Variants in EXOSC10 observed in about 807,000 individuals in gnomAD.
EXOSC10 encodes the protein exosome component 10.
In EXOSC10, 94 loss-of-function variants were observed where a neutral mutation model predicts 126.6. That is an observed-to-expected ratio of 0.74 (90% CI 0.63 to 0.88). The LOEUF (loss-of-function observed/expected upper bound fraction) is 0.88. Ranked by LOEUF, EXOSC10 falls within the 40% of genes least tolerant of loss-of-function variation. The pLI is 0.00. For synonymous variants in EXOSC10, 395 were observed against 400.8 expected, an observed-to-expected ratio of 0.99 and a Z score of 0.17; for missense variants, 1,041 against 1,100.5, an observed-to-expected ratio of 0.95 and a Z score of 0.77.
intron 13 of EXOSC10, 90 bp downstream of exon 13, chr1:11,080,409 C>G (rs1013907733): frequency 2.1e-5 from 31 of 1,505,476 alleles, no homozygotes; most frequent in Non-Finnish European, 2.9e-5. Context: ...AGTAAGCAGC[C>G]TTGGGTAATA....
chr1:11,077,359 C>T lies in EXOSC10; in HGVS notation c.1879+6G>A. 6.2e-7 allele frequency: 1 copy of T among 1,608,426 alleles called. No homozygotes were observed. Among genetic ancestry groups the T allele is most frequent in the Non-Finnish European group, 8.5e-7 (1 of 1,175,534 alleles). ...TCGGGACAGTCAGGAGGGCTCTCGA[C>T]TTTACCACTGGTTGGGATGATTGGA... On this transcript the variant is annotated splice_donor_region_variant and intron_variant, in intron 16 of 24. Transcript: ENST00000376936.
rs539941437 is a variant in EXOSC10 at position 11,071,985 on chromosome 1, CA to C, written c.2242+101del. The stretch of plus-strand genomic sequence containing the variant: ...ATCCCTCAGCAGAAGGGAAGCCCCA[CA>C]GGGGCTTCATTCATCGCCGTATCTG... On this transcript the variant is annotated intron_variant, in intron 20 of 24. Coordinates refer to ENST00000376936, the MANE Select transcript of EXOSC10 (RefSeq NM_001001998.3). The C allele has an allele frequency of 1.5e-4, 138 of 913,848 alleles. 1 individual carries two copies. In the East Asian group the frequency reaches 3.2e-3, roughly 21 times the overall value. 56.6% of individuals were successfully genotyped at this position (913,848 alleles called of 1,614,324 possible). A position where few individuals can be genotyped will look rare whatever the true frequency, so the allele number is the denominator to read the frequency against.
In EXOSC10 at chr1:11,087,827, A is replaced by G. The variant is rs752451344; in HGVS notation, c.918T>C (p.Asn306=). ...ELVELNEKLL[N]CQEFAVDLEH... ...CCAAGTCAACTGCAAATTCCTGACA[A>G]TTCAAGAGCTTTTCGTTGAGTTCCA... The change falls in exon 8 of 25, where the codon AAT becomes AAC. Residue 306 remains asparagine, a synonymous_variant. Transcript: ENST00000376936. 1 of 1,613,496 alleles carries G rather than the reference A, an allele frequency of 6.2e-7. No individual in the cohort carries two copies. The highest frequency in any genetic ancestry group is 1.3e-5 in the African/African-American group (1 of 75,026).
At chr1:11,089,834 C>CT (rs1640704498) in intron 6 of EXOSC10, among the ~76,000 whole-genome samples, 1 of 151,910 alleles carries the variant, frequency 6.6e-6, no homozygotes, top group Admixed American at 6.6e-5. Flanking sequence ...GTCACAGCTA[C>CT]TTGGGAGGCA....
intron 5 of EXOSC10, 69 bp downstream of exon 5, chr1:11,090,945 G>A: frequency 2.6e-6 from 4 of 1,529,552 alleles, no homozygotes; most frequent in South Asian, 2.4e-5. Context: ...AGAGAGACCT[G>A]TACACCCTTC....
chr1:11,087,517 A>G lies in EXOSC10; in HGVS notation c.1020T>C (p.Ile340=), dbSNP rs1640561159. The part of the protein sequence containing the change: ...QISTRTEDFI[I]DTLELRSDMY... ...TGTCACTTCGAAGCTCGAGGGTGTCAATGATGAAGTCTTCCGTCCGAGTAG... is the reference window on the plus strand; with the variant it reads ...TGTCACTTCGAAGCTCGAGGGTGTCGATGATGAAGTCTTCCGTCCGAGTAG... Residue 340 remains isoleucine, a synonymous_variant, in exon 9 of 25, where the codon ATT becomes ATC. Transcript: ENST00000376936. 1.9e-6 allele frequency: 3 copies of G among 1,614,132 alleles called. No homozygotes were observed. The highest frequency in any genetic ancestry group is 1.7e-6 in the Non-Finnish European group (2 of 1,180,018).
intron 2 of EXOSC10, among the ~76,000 whole-genome samples, chr1:11,096,574 T>C (rs1412577655): frequency 6.7e-6 from 1 of 149,960 alleles, no homozygotes; most frequent in Non-Finnish European, 1.5e-5. Flanking sequence ...ACTCCTGGGC[T>C]CAAGTGATAC....
intron 17 of EXOSC10, among the ~76,000 whole-genome samples, chr1:11,074,892 G>A (rs987744146): frequency 2.6e-5 from 4 of 152,172 alleles, no homozygotes; most frequent in African/African-American, 9.7e-5. Flanking sequence ...CCATCTTACA[G>A]AGGAGGAAAC....
At chr1:11,074,412 G>T in intron 17 of EXOSC10, 86 bp from the exon 18 acceptor site, 3 of 923,648 alleles carry the variant, frequency 3.2e-6, no homozygotes, top group Non-Finnish European at 3.3e-6. Context: ...AGTTAACAGT[G>T]ATTTTTTTTT....
At chr1:11,075,196 C>T (rs1639740061) in intron 17 of EXOSC10, among the ~76,000 whole-genome samples, 1 of 151,876 alleles carries the variant, frequency 6.6e-6, no homozygotes, top group African/African-American at 2.4e-5. Context: ...CAATGCCCGG[C>T]TAATTAAAGA....
chr1:11,091,248 TA>T, intron 4 of EXOSC10, 69 bp from the exon 5 acceptor site: 1 of 1,457,796 alleles, frequency 6.9e-7, no homozygotes, highest in South Asian at 1.3e-5. Flanking sequence ...AATTCCAATT[TA>T]TGACTTCTGA....
At position 11,087,454 on chromosome 1, in the gene EXOSC10, G is replaced by A. The variant is rs547222264; in HGVS notation, c.1083C>T (p.Ile361=). 2.1e-5 allele frequency: 34 copies of A among 1,614,052 alleles called. No homozygotes were observed. Among genetic ancestry groups the A allele is most frequent in the Admixed American group, 3.3e-5 (2 of 59,984 alleles). The change falls in exon 9 of 25, where the codon ATC becomes ATT. Residue 361 remains isoleucine (I), a synonymous_variant. Coordinates refer to ENST00000376936, the MANE Select transcript of EXOSC10 (RefSeq NM_001001998.3). ...TTACAAAAGGCTGGCTGACCTTAAC[G>A]ATGGCTGGGTCTGTGAGGCTCTCAT... ...ILNESLTDPA[I]VKVFHGADSD... is the part of the protein sequence containing the mutation.
chr1:11,079,575 G>C, intron 14 of EXOSC10, 136 bp downstream of exon 14: 1 of 624,862 alleles, frequency 1.6e-6, no homozygotes, highest in Non-Finnish European at 2.8e-6. Flanking sequence ...TGTATTTTTA[G>C]TAGAGACGGG....
chr1:11,079,335 CA>C (rs1383773019), intron 14 of EXOSC10, among the ~76,000 whole-genome samples: 3 of 142,442 alleles, frequency 2.1e-5, no homozygotes, highest in Admixed American at 1.4e-4. Context: ...CTAAAAAAAA[CA>C]AAAAACAAAC....
chr1:11,087,888 G>A lies in EXOSC10; in HGVS notation c.857C>T (p.Thr286Ile), dbSNP rs1217239120. 25 of 1,610,796 alleles carry A rather than the reference G, an allele frequency of 1.6e-5. No homozygotes were observed. In the Admixed American group the frequency reaches 4.2e-4, roughly 27 times the overall value. The change falls in exon 8 of 25, where the codon ACA becomes ATA. Residue 286 changes from threonine to isoleucine, a missense_variant. This residue lies in a region of EXOSC10 where 645 missense variants were observed against 656.3 expected (regional missense o/e 0.98). Coordinates refer to ENST00000376936, the MANE Select transcript of EXOSC10 (RefSeq NM_001001998.3). ...CAGGGAGGATATGAAATGGCATGGT[G>A]TCTCTTCTATAGGTCTGTATAACTG... ...QPQLYRPIEE[T>I]PCHFISSLDE...
At position 11,099,615 on chromosome 1, in the gene EXOSC10, C is replaced by T. The variant is rs567399223; in HGVS notation, c.111+106G>A. The T allele has an allele frequency of 1.5e-5, 20 of 1,294,840 alleles. No individual in the cohort carries two copies. In the African/African-American group the frequency reaches 2.6e-4, roughly 17 times the overall value. 80.2% of individuals were successfully genotyped at this position (1,294,840 alleles called of 1,614,324 possible). A position where few individuals can be genotyped will look rare whatever the true frequency, so the allele number is the denominator to read the frequency against. On this transcript the variant is annotated intron_variant, in intron 1 of 24. Transcript: ENST00000376936. ...GCGCGGACAGGGGCCCCGCGACCCT[C>T]GCTCGGGCTCCACTACGGCGGGCGG... is the stretch of plus-strand genomic sequence containing the variant.
At chr1:11,092,521 CT>C (rs201402155) in intron 3 of EXOSC10, among the ~76,000 whole-genome samples, 15,339 of 138,002 alleles carry the variant, frequency 0.11, 1,316 homozygotes, top group African/African-American at 0.23. Flanking sequence ...CCCTGTTTTT[CT>C]TTTTTTTTTT....
chr1:11,067,437 A>AG (rs752581288), intron 24 of EXOSC10, among the ~76,000 whole-genome samples: 4 of 75,334 alleles, frequency 5.3e-5, no homozygotes, highest in Non-Finnish European at 1.1e-4. Context: ...ATCTCAAAGA[A>AG]GAAAAAAAAA....
chr1:11,081,425 A>G (rs1187221425), intron 10 of EXOSC10, among the ~76,000 whole-genome samples, 187 bp from the exon 11 acceptor site: 1 of 152,208 alleles, frequency 6.6e-6, no homozygotes, highest in Non-Finnish European at 1.5e-5. Flanking sequence ...ACAGCTGGGT[A>G]GAATTGGAGG....
Sources: allele counts gnomAD v4.1 joint callset (sites outside exome capture counted in the v4.1 genomes callset), GRCh38; gene constraint gnomAD v4.1.1; regional missense constraint gnomAD v4.1.1; transcripts MANE v1.5; gene names NCBI Gene and HGNC (gene_info 2026-07-23, HGNC 2026-07-21).